TEAD2: variants seen among roughly 807,000 people sequenced by gnomAD.
TEAD2 encodes TEA domain transcription factor 2.
In TEAD2, 51 loss-of-function variants were observed where a neutral mutation model predicts 61.4. The observed-to-expected ratio is 0.83, with a 90% CI of 0.66 to 1.05. TEAD2 has a LOEUF of 1.05. Among genes scored for constraint, TEAD2 ranks in the 50% least tolerant of loss-of-function variants. TEAD2 has a pLI of 0.00. For synonymous variants in TEAD2, 244 were observed against 243.2 expected, an observed-to-expected ratio of 1.00 and a Z score of -0.03; for missense variants, 509 against 600.0, an observed-to-expected ratio of 0.85 and a Z score of 1.58.
chr19:49,347,087 G>C, intron 10 of TEAD2, 103 bp downstream of exon 10: 1 of 1,473,818 alleles, frequency 6.8e-7, no homozygotes, highest in African/African-American at 1.4e-5. Flanking sequence ...GTAAGTCCCA[G>C]GCTGACCTGG....
At chr19:49,355,894 C>T in intron 5 of TEAD2, 65 bp downstream of exon 5, 1 of 1,285,642 alleles carries the variant, frequency 7.8e-7, no homozygotes, top group Non-Finnish European at 9.9e-7. Context: ...GCCCTCTGCC[C>T]CTCCTCAGGG....
intron 7 of TEAD2, among the ~76,000 whole-genome samples, chr19:49,352,268 G>T (rs1457146431): frequency 1.3e-5 from 2 of 152,170 alleles, no homozygotes; most frequent in East Asian, 3.8e-4. Flanking sequence ...AGACCACGTG[G>T]CCACTGAGCA....
intron 10 of TEAD2, among the ~76,000 whole-genome samples, chr19:49,346,954 C>T (rs1346389542): frequency 6.6e-6 from 1 of 152,214 alleles, no homozygotes; most frequent in Non-Finnish European, 1.5e-5. Flanking sequence ...GTATTAGTTA[C>T]ATGTGGCAAT....
At chr19:49,343,121 G>A (rs898279640) in intron 11 of TEAD2, 110 bp downstream of exon 11, 4 of 1,308,100 alleles carry the variant, frequency 3.1e-6, no homozygotes, top group Non-Finnish European at 4.1e-6. Flanking sequence ...CCTCAAAGAG[G>A]CTGGGACCCA....
At position 49,359,836 on chromosome 19, in the gene TEAD2, A is replaced by G. The variant is rs1444052189; in HGVS notation, c.232+8T>C. The G allele has an allele frequency of 6.2e-7, 1 of 1,612,930 alleles. No homozygotes were observed. Among genetic ancestry groups the G allele is most frequent in the Non-Finnish European group, 8.5e-7 (1 of 1,179,744 alleles). ...GGGGGCCAGGGCAAAAGACAGAAGT[A>G]GACTCACCATACATCTTGCCTTCAT... On this transcript the variant is annotated splice_region_variant and intron_variant, in intron 2 of 12. Coordinates refer to ENST00000593945, the MANE Select transcript of TEAD2 (RefSeq NM_001256660.2). This position sits in a 1 kb window ranked among gnomAD's most constrained non-coding sequence, Gnocchi z 4.1.
intron 7 of TEAD2, among the ~76,000 whole-genome samples, chr19:49,353,239 C>G (rs1446973148): frequency 6.6e-6 from 1 of 152,076 alleles, no homozygotes; most frequent in Admixed American, 6.6e-5. Context: ...GCTGGGATTA[C>G]AGGCGCACAT....
chr19:49,351,375 A>T lies in TEAD2; in HGVS notation c.540-10T>A, dbSNP rs748101795. 13 of 1,607,156 alleles carry T rather than the reference A, an allele frequency of 8.1e-6. No individual in the cohort carries two copies. In the Admixed American group the frequency reaches 2.2e-4, roughly 28 times the overall value. On this transcript the variant is annotated splice_polypyrimidine_tract_variant and intron_variant, in intron 7 of 12. Coordinates refer to ENST00000593945, the MANE Select transcript of TEAD2 (RefSeq NM_001256660.2). ...TGAGAATGGCTTCACACTGAGGGAA[A>T]AAGGAAGCCAGGGGTTAGCCAGGTA...
intron 5 of TEAD2, 92 bp downstream of exon 5, chr19:49,355,867 T>C (rs1600766183): frequency 8.3e-7 from 1 of 1,201,678 alleles, no homozygotes; most frequent in Non-Finnish European, 1.1e-6. Context: ...TGGGGGAGGG[T>C]TGAACCTCTC....
intron 8 of TEAD2, among the ~76,000 whole-genome samples, chr19:49,350,379 G>A (rs1971936152): frequency 6.6e-6 from 1 of 152,120 alleles, no homozygotes; most frequent in South Asian, 2.1e-4. Context: ...GAGTGCAACG[G>A]TGCCACCTCG....
chr19:49,358,552 C>T (rs1972559082), intron 3 of TEAD2, among the ~76,000 whole-genome samples: 2 of 152,318 alleles, frequency 1.3e-5, no homozygotes, highest in African/African-American at 4.8e-5. Flanking sequence ...CCTGAGGCCT[C>T]ACCAGGAGCA....
chr19:49,344,679 T>A (rs1229902238), intron 10 of TEAD2, among the ~76,000 whole-genome samples: 1 of 152,158 alleles, frequency 6.6e-6, no homozygotes, highest in African/African-American at 2.4e-5. Flanking sequence ...CAGTTCAAGA[T>A]GAATACCTCC....
At chr19:49,351,794 TG>T (rs1320779429) in intron 7 of TEAD2, among the ~76,000 whole-genome samples, 1 of 152,094 alleles carries the variant, frequency 6.6e-6, no homozygotes, top group African/African-American at 2.4e-5. Flanking sequence ...GAGACCAGCC[TG>T]GCCAACATGG....
intron 3 of TEAD2, chr19:49,357,856 G>C (rs1972509159): frequency 6.3e-6 from 1 of 159,296 alleles, no homozygotes; most frequent in Non-Finnish European, 1.4e-5. Context: ...CCAACACTTT[G>C]GGAGGCCTAG....
chr19:49,345,478 C>T (rs1327505861), intron 10 of TEAD2, among the ~76,000 whole-genome samples: 1 of 152,028 alleles, frequency 6.6e-6, no homozygotes, highest in Admixed American at 6.6e-5. Flanking sequence ...TCAGCCTCCA[C>T]AGAAGCTAGG....
In TEAD2 at chr19:49,343,455, G is replaced by GA; in HGVS notation, c.922-58dup. On this transcript the variant is annotated intron_variant, in intron 10 of 12. Coordinates refer to ENST00000593945, the MANE Select transcript of TEAD2 (RefSeq NM_001256660.2). ...GGGGACATCCCTTATAAACAGTGGG[G>GA]ACTACCAGGCGCAGTGGTTCACACC... 5 of 1,529,542 alleles carry GA rather than the reference G, an allele frequency of 3.3e-6. 1 individual carries two copies. The South Asian group carries it at 6.3e-5, about 19-fold the overall frequency. The allele number at this position is 1,529,542 out of a possible 1,614,324, so 94.7% of individuals were successfully genotyped here.
chr19:49,354,471 C>T (rs1238528055), intron 7 of TEAD2, among the ~76,000 whole-genome samples: 1 of 151,178 alleles, frequency 6.6e-6, no homozygotes, highest in African/African-American at 2.4e-5. Context: ...GCCACCGCAC[C>T]CCAGCTTAGG....
intron 12 of TEAD2, 58 bp downstream of exon 12, chr19:49,342,380 T>C (rs1971350093): frequency 6.3e-7 from 1 of 1,588,742 alleles, no homozygotes; most frequent in East Asian, 2.3e-5. Flanking sequence ...GAGGGTCTGT[T>C]ATAGGTACTG....
At chr19:49,354,190 C>A (rs571953449) in intron 7 of TEAD2, among the ~76,000 whole-genome samples, 1 of 152,056 alleles carries the variant, frequency 6.6e-6, no homozygotes, top group South Asian at 2.1e-4. Context: ...CTGGATCCAT[C>A]AGTTCCTCTC....
chr19:49,343,521 C>T, intron 10 of TEAD2, 123 bp from the exon 11 acceptor site: 2 of 1,154,216 alleles, frequency 1.7e-6, no homozygotes, highest in Non-Finnish European at 2.4e-6. Context: ...GGGCGGATCA[C>T]CTGAGGTTGG....
Sources: allele counts gnomAD v4.1 joint callset (sites outside exome capture counted in the v4.1 genomes callset), GRCh38; gene constraint gnomAD v4.1.1; non-coding constraint Gnocchi (gnomAD v3.1); transcripts MANE v1.5; gene names NCBI Gene and HGNC (gene_info 2026-07-23, HGNC 2026-07-21).